The following CNTN5 variants were observed in gnomAD, a reference collection of about 807,000 sequenced individuals.
CNTN5 encodes the protein contactin 5.
Under a neutral mutation model 129.1 loss-of-function variants are expected in CNTN5, and 77 were observed. The observed-to-expected ratio is 0.60, with a 90% confidence interval of 0.50 to 0.72. The LOEUF (loss-of-function observed/expected upper bound fraction) is 0.72. Among genes scored for constraint, CNTN5 ranks in the 30% least tolerant of loss-of-function variants. The pLI is 0.00. For synonymous variants in CNTN5, 509 were observed against 465.6 expected, an observed-to-expected ratio of 1.09 and a Z score of -1.20; for missense variants, 1,478 against 1,328.8, an observed-to-expected ratio of 1.11 and a Z score of -1.75.
intron 3 of CNTN5, among the ~76,000 whole-genome samples, chr11:99,597,300 TCTATCC>T (rs1950156325): frequency 6.6e-6 from 1 of 152,180 alleles, no homozygotes; most frequent in Non-Finnish European, 1.5e-5. Flanking sequence ...TACAAGTGAT[TCTATCC>T]CAATTAGTTA....
At chr11:99,540,597 T>C (rs1948068242) in intron 2 of CNTN5, among the ~76,000 whole-genome samples, 1 of 152,084 alleles carries the variant, frequency 6.6e-6, no homozygotes. Context: ...TTCAAAGGCA[T>C]GAGACTTAAA....
At chr11:100,184,677 C>T (rs1319783840) in intron 13 of CNTN5, among the ~76,000 whole-genome samples, 1 of 152,118 alleles carries the variant, frequency 6.6e-6, no homozygotes, top group East Asian at 1.9e-4. Flanking sequence ...CCCCCCCAGA[C>T]TTCTAACCAA....
chr11:100,266,981 T>C (rs895084253), intron 17 of CNTN5, among the ~76,000 whole-genome samples: 1 of 152,088 alleles, frequency 6.6e-6, no homozygotes, highest in East Asian at 1.9e-4. Context: ...ACTGTATTCT[T>C]ACAGGTGAAG....
intron 1 of CNTN5, among the ~76,000 whole-genome samples, chr11:99,292,983 T>A (rs963038813): frequency 6.6e-6 from 1 of 152,162 alleles, no homozygotes; most frequent in African/African-American, 2.4e-5. Context: ...TAAGTGCACT[T>A]AATAGGCCCC....
chr11:99,283,750 A>C (rs1228396437), intron 1 of CNTN5, among the ~76,000 whole-genome samples: 2 of 152,156 alleles, frequency 1.3e-5, no homozygotes, highest in Non-Finnish European at 2.9e-5. Flanking sequence ...TTTGCTTTTT[A>C]GAAATGTCCA....
At chr11:100,266,807 G>T (rs1482442047) in intron 17 of CNTN5, among the ~76,000 whole-genome samples, 1 of 151,894 alleles carries the variant, frequency 6.6e-6, no homozygotes, top group East Asian at 1.9e-4. Context: ...ATTACATCAA[G>T]ATTCAAGCAG....
chr11:99,291,082 G>A (rs1864153098), intron 1 of CNTN5, among the ~76,000 whole-genome samples: 1 of 151,676 alleles, frequency 6.6e-6, no homozygotes, highest in South Asian at 2.1e-4. Flanking sequence ...AAAAATAACA[G>A]GCATGAAAAA....
At chr11:99,908,156 C>A (rs189359406) in intron 6 of CNTN5, among the ~76,000 whole-genome samples, 151 of 151,920 alleles carry the variant, frequency 9.9e-4, no homozygotes, top group African/African-American at 3.5e-3. Context: ...GCAGAATAGG[C>A]AGATAGTCCA....
chr11:99,269,502 G>T (rs1444893028), intron 1 of CNTN5, among the ~76,000 whole-genome samples: 8 of 151,778 alleles, frequency 5.3e-5, no homozygotes. Flanking sequence ...TTCTAAACAG[G>T]TACGTGATTG....
At chr11:99,798,196 T>C (rs1946007468) in intron 3 of CNTN5, among the ~76,000 whole-genome samples, 2 of 152,094 alleles carry the variant, frequency 1.3e-5, no homozygotes, top group African/African-American at 2.4e-5. Context: ...ACTTACAAGT[T>C]AGAAGATGCG....
intron 1 of CNTN5, among the ~76,000 whole-genome samples, chr11:99,135,217 G>A (rs914344606): frequency 3.9e-5 from 6 of 152,116 alleles, no homozygotes; most frequent in African/African-American, 1.4e-4. Context: ...GAGGAAGTAA[G>A]CAAGTAAATA....
chr11:99,553,979 C>CACACACACACACACAT (rs1555025630), intron 2 of CNTN5, among the ~76,000 whole-genome samples: 6,034 of 145,542 alleles, frequency 0.041, 226 homozygotes, highest in East Asian at 0.14. Context: ...CACACACACA[C>CACACACACACACACAT]ACACACACAC....
intron 18 of CNTN5, among the ~76,000 whole-genome samples, chr11:100,293,911 G>C: frequency 6.6e-6 from 1 of 151,772 alleles, no homozygotes; most frequent in East Asian, 1.9e-4. Flanking sequence ...AACTAAGCCT[G>C]AGTTAGAATC....
chr11:100,155,547 T>C (rs1947210540), intron 13 of CNTN5, among the ~76,000 whole-genome samples: 2 of 152,146 alleles, frequency 1.3e-5, no homozygotes, highest in African/African-American at 4.8e-5. Flanking sequence ...TTTTTTCTAA[T>C]TCTGGGAAGA....
intron 17 of CNTN5, 80 bp downstream of exon 17, chr11:100,255,998 A>G (rs965348871): frequency 3.1e-6 from 4 of 1,282,282 alleles, no homozygotes; most frequent in Admixed American, 4.5e-5. Context: ...AGGTCTTACT[A>G]TGATTTTTTT....
At chr11:99,942,208 G>A (rs1195918599) in intron 7 of CNTN5, among the ~76,000 whole-genome samples, 4 of 152,012 alleles carry the variant, frequency 2.6e-5, no homozygotes, top group Non-Finnish European at 4.4e-5. Flanking sequence ...CACAGTAAGT[G>A]TATGACAGAG....
rs756903722 is a variant in CNTN5, at chr11:99,819,666, G to A, written c.178G>A (p.Gly60Arg). The A allele has an allele frequency of 3.1e-6, 5 of 1,612,944 alleles. No individual in the cohort carries two copies. The highest frequency in any genetic ancestry group is 1.6e-4 in the Middle Eastern group (1 of 6,062). ...ACCACGATACAGCAGCCCTTCATTA[G>A]GAACACTGAGTGCTTCTTCACCCAG... ...TRPRYSSPSL[G>R]TLSASSPSWL... The change falls in exon 4 of 25, where the codon GGA becomes AGA. Residue 60 changes from glycine (G) to arginine (R), a missense_variant. Transcript: ENST00000524871.
chr11:99,556,389 C>A lies in CNTN5; in HGVS notation c.55+120C>A, dbSNP rs987197401. 1.9e-4 allele frequency: 103 copies of A among 556,324 alleles called. No homozygotes were observed. The East Asian group carries it at 2.8e-3, about 15-fold the overall frequency. 34.5% of individuals were successfully genotyped at this position (556,324 alleles called of 1,614,324 possible). On this transcript the variant is annotated intron_variant, in intron 3 of 24. Coordinates refer to ENST00000524871, the MANE Select transcript of CNTN5 (RefSeq NM_014361.4). The stretch of plus-strand genomic sequence containing the variant: ...ATTTAAATTTATATCAGTATTTATA[C>A]TTTCCAACAAGAGAAAGGCAGCAAC...
intron 1 of CNTN5, among the ~76,000 whole-genome samples, chr11:99,112,285 T>C (rs1857836297): frequency 1.3e-5 from 2 of 152,006 alleles, no homozygotes; most frequent in Admixed American, 1.3e-4. Context: ...CAATAGAAAC[T>C]TCATAAATTT....
Sources: allele counts gnomAD v4.1 joint callset (sites outside exome capture counted in the v4.1 genomes callset), GRCh38; gene constraint gnomAD v4.1.1; transcripts MANE v1.5; gene names NCBI Gene and HGNC (gene_info 2026-07-23, HGNC 2026-07-21).